The following CNTNAP5 variants were observed in gnomAD, a reference collection of about 807,000 sequenced individuals.
The protein encoded by CNTNAP5 is contactin-associated protein-like 5.
Under a neutral mutation model 150.2 loss-of-function variants are expected in CNTNAP5, and 72 were observed. The ratio of observed to expected loss-of-function variants is 0.48; its 90% CI spans 0.40 to 0.58. The LOEUF is 0.58. Among genes scored for constraint, CNTNAP5 ranks in the 20% least tolerant of loss-of-function variants. The probability of loss-of-function intolerance (pLI) is 0.00; values close to 1 mark genes in which losing one functional copy is unlikely to be tolerated. For missense variants in CNTNAP5, 1,636 were observed against 1,626.2 expected (o/e 1.01, Z -0.10); for synonymous variants, 672 against 619.8 (o/e 1.08, Z -1.25).
chr2:124,668,268 A>G (rs1022286777), intron 13 of CNTNAP5, among the ~76,000 whole-genome samples: 4 of 152,220 alleles, frequency 2.6e-5, no homozygotes, highest in Non-Finnish European at 5.9e-5. Flanking sequence ...GGAGCAGGCC[A>G]AGAGATTCCA....
At chr2:124,148,967 T>C (rs1314214008) in intron 1 of CNTNAP5, among the ~76,000 whole-genome samples, 1 of 152,126 alleles carries the variant, frequency 6.6e-6, no homozygotes, top group Admixed American at 6.6e-5. Context: ...CACTCAAATA[T>C]ATATACATGT....
At chr2:124,592,288 A>G (rs1328614137) in intron 11 of CNTNAP5, among the ~76,000 whole-genome samples, 1 of 152,084 alleles carries the variant, frequency 6.6e-6, no homozygotes, top group Admixed American at 6.6e-5. Flanking sequence ...ATTTTGCTAG[A>G]TATTGCTAAA....
intron 19 of CNTNAP5, among the ~76,000 whole-genome samples, chr2:124,803,753 A>G (rs1282931644): frequency 6.6e-6 from 1 of 152,238 alleles, no homozygotes; most frequent in Non-Finnish European, 1.5e-5. Flanking sequence ...CAAGGGAGGC[A>G]AGAATAAGAA....
At chr2:124,825,278 T>C (rs1682569221) in intron 19 of CNTNAP5, among the ~76,000 whole-genome samples, 1 of 152,238 alleles carries the variant, frequency 6.6e-6, no homozygotes, top group Admixed American at 6.5e-5. Context: ...AACAGTAATT[T>C]ACCTGTTTCC....
At position 124,618,314 on chromosome 2, in the gene CNTNAP5, A is replaced by C. The variant is rs571490031; in HGVS notation, c.1876+8394A>C. The stretch of plus-strand genomic sequence containing the variant: ...TAAGAGGTAGCAACAAGATGTCCTC[A>C]CAGCATGCATGGACCTTAGCACTGA... On this transcript the variant is annotated intron_variant, in intron 12 of 23. Coordinates refer to ENST00000682447, the MANE Select transcript of CNTNAP5 (RefSeq NM_001367498.1). 3.3e-5 allele frequency among the ~76,000 whole-genome samples: 5 copies of C among 152,310 alleles called. No individual in the cohort carries two copies. In the East Asian group the frequency reaches 7.7e-4, roughly 24 times the overall value.
chr2:124,801,763 C>A (rs897472668), intron 19 of CNTNAP5, among the ~76,000 whole-genome samples: 4 of 151,936 alleles, frequency 2.6e-5, no homozygotes, highest in African/African-American at 4.8e-5. Context: ...ACCAGAGAAT[C>A]ATGGGGGGTG....
In CNTNAP5 at chr2:124,914,069, C is replaced by A. The variant is rs1678710884; in HGVS notation, c.3728-23C>A. 1.9e-6 allele frequency: 3 copies of A among 1,583,482 alleles called. 1 individual carries two copies. In the South Asian group the frequency reaches 3.4e-5, roughly 18 times the overall value. ...ATGACTCATGACGATTTCCTTCTCT[C>A]TTTCCTTCCCCTTTCTCTCCAGGGG... On this transcript the variant is annotated intron_variant, in intron 23 of 23. Coordinates refer to ENST00000682447, the MANE Select transcript of CNTNAP5 (RefSeq NM_001367498.1).
intron 13 of CNTNAP5, among the ~76,000 whole-genome samples, chr2:124,652,200 C>T (rs569032135): frequency 8.5e-5 from 13 of 152,190 alleles, no homozygotes; most frequent in Non-Finnish European, 1.5e-4. Flanking sequence ...CCAGGACATC[C>T]GTATCCCAGG....
At chr2:124,215,712 C>CAAAAAAAAAAAA (rs397985759) in intron 1 of CNTNAP5, among the ~76,000 whole-genome samples, 2 of 82,058 alleles carry the variant, frequency 2.4e-5, no homozygotes, top group Non-Finnish European at 4.9e-5. Flanking sequence ...AGAAGAAAGG[C>CAAAAAAAAAAAA]AAAAAAAAAA....
At chr2:124,393,095 G>A (rs546673271) in intron 3 of CNTNAP5, among the ~76,000 whole-genome samples, 16 of 152,080 alleles carry the variant, frequency 1.1e-4, no homozygotes, top group Non-Finnish European at 2.2e-4. Context: ...AAAGAAGAAT[G>A]GGAGAACCTC....
chr2:124,613,673 C>T (rs573062861), intron 12 of CNTNAP5, among the ~76,000 whole-genome samples: 2 of 152,252 alleles, frequency 1.3e-5, no homozygotes, highest in Admixed American at 1.3e-4. Flanking sequence ...GTTAGCTCCC[C>T]CTTCCTATAT....
intron 1 of CNTNAP5, among the ~76,000 whole-genome samples, chr2:124,047,141 A>G (rs1681560022): frequency 6.6e-6 from 1 of 152,222 alleles, no homozygotes; most frequent in Non-Finnish European, 1.5e-5. Flanking sequence ...ACTACAGACT[A>G]GAAACAATAC....
intron 13 of CNTNAP5, among the ~76,000 whole-genome samples, chr2:124,675,688 T>A (rs923230788): frequency 6.6e-6 from 1 of 152,206 alleles, no homozygotes; most frequent in African/African-American, 2.4e-5. Context: ...CATCTGTATA[T>A]AAGCCCACTA....
At chr2:124,275,990 T>C (rs1392921296) in intron 3 of CNTNAP5, among the ~76,000 whole-genome samples, 1 of 151,388 alleles carries the variant, frequency 6.6e-6, no homozygotes, top group Non-Finnish European at 1.5e-5. Flanking sequence ...AGTGAAAGGG[T>C]TTTTTGTTGT....
chr2:124,040,124 T>C (rs1681326706), intron 1 of CNTNAP5, among the ~76,000 whole-genome samples: 4 of 152,202 alleles, frequency 2.6e-5, no homozygotes, highest in Admixed American at 2.6e-4. Flanking sequence ...TGTGCAGACA[T>C]GCTCCACCGT....
intron 3 of CNTNAP5, among the ~76,000 whole-genome samples, chr2:124,401,996 C>T (rs559273809): frequency 3.3e-5 from 5 of 152,250 alleles, no homozygotes; most frequent in African/African-American, 7.2e-5. Flanking sequence ...TATTATATCC[C>T]CTCACTAAGA....
At chr2:124,904,019 A>C (rs1284899740) in intron 22 of CNTNAP5, among the ~76,000 whole-genome samples, 1 of 137,698 alleles carries the variant, frequency 7.3e-6, no homozygotes, top group Non-Finnish European at 1.5e-5. Flanking sequence ...ATGCAACTGC[A>C]CTCCAGCCTG....
At chr2:124,038,688 A>G (rs1681286156) in intron 1 of CNTNAP5, among the ~76,000 whole-genome samples, 1 of 152,230 alleles carries the variant, frequency 6.6e-6, no homozygotes, top group African/African-American at 2.4e-5. Context: ...AGCGGCTTTG[A>G]AGAAAATAGA....
chr2:124,904,449 G>T (rs1344825169), intron 22 of CNTNAP5, among the ~76,000 whole-genome samples: 1 of 151,832 alleles, frequency 6.6e-6, no homozygotes, highest in Admixed American at 6.6e-5. Flanking sequence ...GAAAGCTGCA[G>T]GCATCTCACT....
Sources: allele counts gnomAD v4.1 joint callset (sites outside exome capture counted in the v4.1 genomes callset), GRCh38; gene constraint gnomAD v4.1.1; transcripts MANE v1.5; gene names NCBI Gene and HGNC (gene_info 2026-07-23, HGNC 2026-07-21).